GLI3: variants seen among roughly 807,000 people sequenced by gnomAD.
GLI3 encodes the protein GLI family zinc finger 3, also known as transcription activator GLI3.
Under a neutral mutation model 100.8 loss-of-function variants are expected in GLI3, and 20 were observed. That is an observed-to-expected ratio of 0.20 (90% CI 0.14 to 0.29). GLI3 has a LOEUF of 0.29. Among genes scored for constraint, GLI3 ranks in the 10% least tolerant of loss-of-function variants. The pLI, the probability that GLI3 is intolerant of heterozygous loss-of-function variation, is 1.00. For synonymous variants in GLI3, 938 were observed against 860.5 expected (o/e 1.09, Z -1.58); for missense variants, 2,040 against 2,128.5 (o/e 0.96, Z 0.82).
chr7:41,990,614 A>C (rs961202857), intron 10 of GLI3, among the ~76,000 whole-genome samples: 2 of 152,186 alleles, frequency 1.3e-5, no homozygotes, highest in Admixed American at 6.5e-5. Context: ...GTTACAATAA[A>C]ATGTATTTGA....
intron 1 of GLI3, among the ~76,000 whole-genome samples, chr7:42,232,319 C>T (rs1401738564): frequency 9.9e-5 from 15 of 152,176 alleles, no homozygotes; most frequent in Admixed American, 7.2e-4. Context: ...GCAAGGATTA[C>T]AGTCAGCTAG....
chr7:42,257,877 AC>A (rs1292907911), intron 1 of GLI3, among the ~76,000 whole-genome samples: 1 of 152,154 alleles, frequency 6.6e-6, no homozygotes, highest in African/African-American at 2.4e-5. Context: ...TATTAAGCAA[AC>A]CTTGTATTTC....
At chr7:42,129,808 T>TA (rs1786228711) in intron 3 of GLI3, among the ~76,000 whole-genome samples, 1 of 151,744 alleles carries the variant, frequency 6.6e-6, no homozygotes, top group East Asian at 1.9e-4. Flanking sequence ...AGACTCCATC[T>TA]AAAAAACAAA....
intron 2 of GLI3, among the ~76,000 whole-genome samples, chr7:42,198,332 G>A (rs966116766): frequency 2.6e-5 from 4 of 152,330 alleles, no homozygotes; most frequent in Admixed American, 2.0e-4. Context: ...GCCAGGGCAG[G>A]TTCGGAGCTT....
chr7:42,196,681 A>C lies in GLI3; in HGVS notation c.124+26449T>G, dbSNP rs3779180. Among the ~76,000 whole-genome samples, 414 of 152,280 alleles carry C rather than the reference A, an allele frequency of 2.7e-3. 9 individuals are homozygous for C. In the East Asian group the frequency reaches 0.045, roughly 17 times the overall value. ...CACTGCTTCTGACATGAAGATTCCA[A>C]ATTTCCTCTAAAATCTCTGTTGGTA... On this transcript the variant is annotated intron_variant, in intron 2 of 14. Coordinates refer to ENST00000395925, the MANE Select transcript of GLI3 (RefSeq NM_000168.6).
chr7:42,008,917 G>A (rs942278302), intron 10 of GLI3, among the ~76,000 whole-genome samples: 13 of 152,128 alleles, frequency 8.5e-5, no homozygotes, highest in African/African-American at 3.1e-4. Context: ...GATCTCTGAG[G>A]ATCCTGATTC....
chr7:42,202,344 TCTCACA>T (rs1175907000), intron 2 of GLI3, among the ~76,000 whole-genome samples: 166 of 35,414 alleles, frequency 4.7e-3, no homozygotes, highest in East Asian at 0.028. Context: ...TCTCTCTCTC[TCTCACA>T]CACACACACA....
At chr7:42,146,436 C>A (rs1049058020) in intron 3 of GLI3, among the ~76,000 whole-genome samples, 1 of 152,146 alleles carries the variant, frequency 6.6e-6, no homozygotes, top group Non-Finnish European at 1.5e-5. Context: ...AACAAACGAA[C>A]CAAGAACAAG....
intron 10 of GLI3, among the ~76,000 whole-genome samples, chr7:42,017,360 A>G (rs979129421): frequency 6.6e-6 from 1 of 152,232 alleles, no homozygotes; most frequent in African/African-American, 2.4e-5. Context: ...TCGGAGGAAG[A>G]TTTTGATGAA....
intron 3 of GLI3, among the ~76,000 whole-genome samples, chr7:42,088,077 A>C (rs1443749383): frequency 6.6e-6 from 1 of 152,206 alleles, no homozygotes; most frequent in African/African-American, 2.4e-5. Context: ...TTCTTGGCTC[A>C]TGGGAGTACA....
intron 7 of GLI3, among the ~76,000 whole-genome samples, chr7:42,034,368 C>T (rs1789377413): frequency 6.6e-6 from 1 of 152,188 alleles, no homozygotes; most frequent in African/African-American, 2.4e-5. Context: ...CCTCTCTTAA[C>T]ATCAGTTTCC....
intron 10 of GLI3, among the ~76,000 whole-genome samples, chr7:42,008,896 T>A (rs986206516): frequency 1.3e-5 from 2 of 152,248 alleles, no homozygotes; most frequent in Non-Finnish European, 2.9e-5. Flanking sequence ...TTCATGTTTT[T>A]TATTTTTCAA....
At chr7:42,232,693 G>A (rs1215955622) in intron 1 of GLI3, among the ~76,000 whole-genome samples, 1 of 152,244 alleles carries the variant, frequency 6.6e-6, no homozygotes, top group Non-Finnish European at 1.5e-5. Context: ...ATGCAGAAGT[G>A]CCATATATGA....
At chr7:42,027,696 C>A (rs141203285) in intron 7 of GLI3, among the ~76,000 whole-genome samples, 1 of 152,164 alleles carries the variant, frequency 6.6e-6, no homozygotes, top group Non-Finnish European at 1.5e-5. Context: ...CCTTACATTA[C>A]AATAGCTTGC....
At chr7:42,134,010 G>A (rs1478569715) in intron 3 of GLI3, among the ~76,000 whole-genome samples, 1 of 151,794 alleles carries the variant, frequency 6.6e-6, no homozygotes, top group African/African-American at 2.4e-5. Flanking sequence ...GAACTTGGGA[G>A]GTGGAGGTTG....
intron 1 of GLI3, among the ~76,000 whole-genome samples, chr7:42,244,550 T>C (rs1166179427): frequency 6.6e-6 from 1 of 151,994 alleles, no homozygotes; most frequent in Non-Finnish European, 1.5e-5. Context: ...ACAGTCAGAC[T>C]TCATCTACAC....
At position 41,965,152 on chromosome 7, in the gene GLI3, G is replaced by A; in HGVS notation, c.3921C>T (p.Ser1307=). The change falls in exon 15 of 15, where the codon AGC becomes AGT. Residue 1307 remains serine, a synonymous_variant. Transcript: ENST00000395925. ...CCTGGTTCTGCATGCCATTCACCAT[G>A]CTGCCAGCTGACTCATTTGGCGCTA... ...LPVAPNESAG[S]MVNGMQNQDP... is the part of the protein sequence containing the mutation. The A allele has an allele frequency of 6.2e-7, 1 of 1,613,918 alleles. No homozygotes were observed. The highest frequency in any genetic ancestry group is 1.1e-5 in the South Asian group (1 of 91,084).
At chr7:42,159,568 G>A (rs1562764818) in intron 2 of GLI3, among the ~76,000 whole-genome samples, 1 of 152,186 alleles carries the variant, frequency 6.6e-6, no homozygotes, top group East Asian at 1.9e-4. Flanking sequence ...TTCTTAAAAT[G>A]CACTATTAGG....
intron 2 of GLI3, among the ~76,000 whole-genome samples, chr7:42,217,750 C>T (rs565130731): frequency 1.1e-4 from 17 of 152,334 alleles, no homozygotes; most frequent in African/African-American, 3.1e-4. Flanking sequence ...TTTCAGACAT[C>T]TGAGTCCAGC....
Sources: allele counts gnomAD v4.1 joint callset (sites outside exome capture counted in the v4.1 genomes callset), GRCh38; gene constraint gnomAD v4.1.1; transcripts MANE v1.5; gene names NCBI Gene and HGNC (gene_info 2026-07-23, HGNC 2026-07-21).